The following ACTR3C variants were observed in gnomAD, a reference collection of about 807,000 sequenced individuals.
ACTR3C encodes actin-related protein 3C.
A neutral mutation model predicts 26.3 loss-of-function variants in ACTR3C; 18 were observed. The observed-to-expected ratio is 0.68, with a 90% confidence interval of 0.47 to 1.01. The LOEUF is 1.01. Ranked by LOEUF, ACTR3C falls within the 50% of genes least tolerant of loss-of-function variation. The probability of loss-of-function intolerance (pLI) is 0.00; values close to 1 mark genes in which losing one functional copy is unlikely to be tolerated. For missense variants in ACTR3C, 184 were observed against 250.7 expected (o/e 0.73, Z 1.80); for synonymous variants, 55 against 94.5 (o/e 0.58, Z 2.42).
chr7:150,220,306 T>A, the ACTR3C span, among the ~76,000 whole-genome samples: 5 of 146,786 alleles, frequency 3.4e-5, no homozygotes, highest in Non-Finnish European at 7.4e-5. Flanking sequence ...TTGATTCATG[T>A]CCAGAGGAAG....
the ACTR3C span, among the ~76,000 whole-genome samples, chr7:150,034,893 C>CG: frequency 0.014 from 1,360 of 95,214 alleles, 26 homozygotes; most frequent in South Asian, 0.055. Flanking sequence ...CCCTACCTCG[C>CG]GGGGGGTGCC....
chr7:150,228,111 AT>A, the ACTR3C span, among the ~76,000 whole-genome samples: 1 of 152,132 alleles, frequency 6.6e-6, no homozygotes, highest in African/African-American at 2.4e-5. Context: ...ACATCTTAAT[AT>A]TATTGAGTGT....
At chr7:149,997,395 T>C in the ACTR3C span, among the ~76,000 whole-genome samples, 4 of 151,820 alleles carry the variant, frequency 2.6e-5, no homozygotes, top group Admixed American at 2.6e-4. Flanking sequence ...GTAATAATTT[T>C]TACTGATTCA....
the ACTR3C span, among the ~76,000 whole-genome samples, chr7:150,167,958 T>A: frequency 3.3e-5 from 5 of 150,830 alleles, 1 homozygote; most frequent in Admixed American, 6.6e-5. Flanking sequence ...ATATATATAT[T>A]TAGATAAATC....
the ACTR3C span, among the ~76,000 whole-genome samples, chr7:150,039,793 C>G: frequency 1.8e-5 from 2 of 114,024 alleles, no homozygotes; most frequent in South Asian, 2.8e-4. Context: ...GGAAGAGGGA[C>G]TGGCTCTCAG....
chr7:150,018,120 G>GT, the ACTR3C span, among the ~76,000 whole-genome samples: 1 of 150,242 alleles, frequency 6.7e-6, no homozygotes, highest in Non-Finnish European at 1.5e-5. Context: ...AGGCACTTTC[G>GT]TTTTTGAGAT....
At chr7:150,042,470 A>AG in the ACTR3C span, among the ~76,000 whole-genome samples, 3 of 135,236 alleles carry the variant, frequency 2.2e-5, no homozygotes, top group East Asian at 2.6e-4. Flanking sequence ...AGGGGAGGAA[A>AG]GGGGGAGGTT....
the ACTR3C span, among the ~76,000 whole-genome samples, chr7:150,193,673 T>C: frequency 0.029 from 4,414 of 152,010 alleles, 198 homozygotes; most frequent in African/African-American, 0.1. Flanking sequence ...CTTTTTGACA[T>C]GCAGGTTATT....
rs528968199 is a variant in ACTR3C at position 150,264,341 on chromosome 7, T to A, written c.565-15287A>T. ...CAGCGTGGCCACAGACAGTGAACTT[T>A]AAAACTAGGCAACAAATAAAACCTG... On this transcript the variant is annotated intron_variant, in intron 6 of 7. Transcript: ENST00000683684. Among the ~76,000 whole-genome samples, 418 of 152,184 alleles carry A rather than the reference T, an allele frequency of 2.7e-3. 3 individuals are homozygous for A. Among genetic ancestry groups the A allele is most frequent in the African/African-American group, 9.6e-3 (398 of 41,476 alleles).
intron 6 of ACTR3C, among the ~76,000 whole-genome samples, chr7:150,280,105 C>T (rs548888049): frequency 3.3e-5 from 5 of 152,282 alleles, no homozygotes; most frequent in African/African-American, 9.6e-5. Context: ...GCGCTGATGG[C>T]GGTTCTCAGG....
chr7:150,111,249 C>T, the ACTR3C span, among the ~76,000 whole-genome samples: 1 of 117,042 alleles, frequency 8.5e-6, no homozygotes, highest in South Asian at 2.6e-4. Flanking sequence ...TCCTGCTTCC[C>T]GCACACGTTG....
chr7:150,100,282 A>T, the ACTR3C span, among the ~76,000 whole-genome samples: 1 of 151,634 alleles, frequency 6.6e-6, no homozygotes, highest in African/African-American at 2.4e-5. Context: ...TCAGTCAGTC[A>T]TTGATTTCAT....
At chr7:150,010,717 C>A in the ACTR3C span, among the ~76,000 whole-genome samples, 1 of 144,998 alleles carries the variant, frequency 6.9e-6, no homozygotes, top group Non-Finnish European at 1.5e-5. Context: ...AAAAAATAAG[C>A]TCTGTGGTTG....
rs543457577 is a variant in ACTR3C at position 150,316,348 on chromosome 7, C to T, written c.-52+7121G>A. 5.9e-5 allele frequency among the ~76,000 whole-genome samples: 9 copies of T among 152,270 alleles called. No homozygotes were observed. The East Asian group carries it at 1.3e-3, about 23-fold the overall frequency. On this transcript the variant is annotated intron_variant, in intron 1 of 7. Transcript: ENST00000683684. ...TACATTGCACACATACATAGTGTTT[C>T]GACTGTAGTAGCTTTAAATATATGT...
chr7:149,883,800 G>A, the ACTR3C span, among the ~76,000 whole-genome samples: 1 of 152,180 alleles, frequency 6.6e-6, no homozygotes, highest in African/African-American at 2.4e-5. Flanking sequence ...CGAGCATTGA[G>A]CCATCATGAG....
chr7:150,104,155 C>T, the ACTR3C span, among the ~76,000 whole-genome samples: 3 of 150,980 alleles, frequency 2.0e-5, no homozygotes, highest in South Asian at 6.3e-4. Flanking sequence ...AAGAAGATTG[C>T]TTATTCCAGA....
intron 6 of ACTR3C, among the ~76,000 whole-genome samples, chr7:150,267,062 T>C (rs1002375823): frequency 1.3e-5 from 2 of 152,224 alleles, no homozygotes; most frequent in African/African-American, 4.8e-5. Flanking sequence ...TTTTTTGTAA[T>C]AGCTAAGACT....
chr7:149,884,252 A>G, the ACTR3C span, among the ~76,000 whole-genome samples: 1 of 152,130 alleles, frequency 6.6e-6, no homozygotes. Context: ...GTTTTGCTTG[A>G]CTTGTAGCAC....
At chr7:150,149,329 T>C in the ACTR3C span, among the ~76,000 whole-genome samples, 6 of 151,836 alleles carry the variant, frequency 4.0e-5, no homozygotes, top group East Asian at 1.2e-3. Context: ...AAAGATTTCT[T>C]TTGATGCACT....
Sources: allele counts gnomAD v4.1 joint callset (sites outside exome capture counted in the v4.1 genomes callset), GRCh38; gene constraint gnomAD v4.1.1; transcripts MANE v1.5; gene names NCBI Gene and HGNC (gene_info 2026-07-23, HGNC 2026-07-21).